The following TBC1D2 variants were observed in gnomAD, a reference collection of about 807,000 sequenced individuals.
TBC1D2 encodes the protein TBC1 domain family member 2, also known as TBC1 domain family member 2A.
TBC1D2 carries 58 observed loss-of-function variants against 91.1 expected under a neutral mutation model. The observed-to-expected ratio is 0.64, with a 90% CI of 0.52 to 0.79. TBC1D2 has a LOEUF of 0.79. Among genes scored for constraint, TBC1D2 ranks in the 30% least tolerant of loss-of-function variants. The pLI, the probability that TBC1D2 is intolerant of heterozygous loss-of-function variation, is 0.00. For synonymous variants in TBC1D2, 482 were observed against 511.5 expected, an observed-to-expected ratio of 0.94 and a Z score of 0.78; for missense variants, 1,080 against 1,208.3, an observed-to-expected ratio of 0.89 and a Z score of 1.57.
rs573903157 is a variant in TBC1D2 at position 98,245,582 on chromosome 9, T to C, written c.512-1453A>G. Reference sequence around the variant, plus strand: ...ACCCCGCCTCAAAAGAAAAAAAAAATTGGGGTTATAGTGTAATCTCAATTG... The same window carrying C: ...ACCCCGCCTCAAAAGAAAAAAAAAACTGGGGTTATAGTGTAATCTCAATTG... On this transcript the variant is annotated intron_variant, in intron 2 of 12. Coordinates refer to ENST00000465784, the MANE Select transcript of TBC1D2 (RefSeq NM_001267571.2). Among the ~76,000 whole-genome samples, 9 of 151,814 alleles carry C rather than the reference T, an allele frequency of 5.9e-5. No homozygotes were observed. In the South Asian group the frequency reaches 1.9e-3, roughly 32 times the overall value.
chr9:98,213,051 G>A, intron 7 of TBC1D2, 57 bp downstream of exon 7: 1 of 1,584,636 alleles, frequency 6.3e-7, no homozygotes, highest in South Asian at 1.1e-5. Context: ...TGGGCAGCAT[G>A]GGGACCAGCA....
intron 10 of TBC1D2, among the ~76,000 whole-genome samples, chr9:98,202,760 A>G (rs537229273): frequency 1.3e-5 from 2 of 152,386 alleles, no homozygotes; most frequent in South Asian, 2.1e-4. Flanking sequence ...ATAATAAAAT[A>G]TGGAAAAAAG....
intron 6 of TBC1D2, among the ~76,000 whole-genome samples, chr9:98,214,821 G>A (rs1466976747): frequency 6.6e-6 from 1 of 152,188 alleles, no homozygotes; most frequent in Non-Finnish European, 1.5e-5. Flanking sequence ...CACACTAGAA[G>A]GGCCTCTGCT....
rs1563994164 is a variant in TBC1D2, at chr9:98,255,267, C to T, written c.275G>A (p.Ser92Asn). ...AAACACTGCACTGGAGAGGTCGATG[C>T]TGTCCAAGGGATTGGCATCCTGAGC... ...RTAQDANPLD[S>N]IDLSSAVFDC... The change falls in exon 1 of 13, where the codon AGC becomes AAC. Residue 92 changes from serine to asparagine, a missense_variant. By Grantham distance (46) the Ser-to-Asn change is conservative (BLOSUM62 1). Transcript: ENST00000465784. The T allele has an allele frequency of 1.2e-6, 2 of 1,614,244 alleles. No homozygotes were observed. Among genetic ancestry groups the T allele is most frequent in the Non-Finnish European group, 1.7e-6 (2 of 1,180,038 alleles).
intron 3 of TBC1D2, among the ~76,000 whole-genome samples, chr9:98,239,573 T>C (rs1212838845): frequency 6.6e-6 from 1 of 152,230 alleles, no homozygotes; most frequent in Non-Finnish European, 1.5e-5. Context: ...TTCAGTTCGC[T>C]AGTATTTTGT....
intron 1 of TBC1D2, among the ~76,000 whole-genome samples, chr9:98,253,281 G>C (rs1273363517): frequency 6.6e-6 from 1 of 152,036 alleles, no homozygotes; most frequent in Non-Finnish European, 1.5e-5. Context: ...GACCCAACCA[G>C]GCAGTCAGCC....
chr9:98,231,732 G>A (rs1829374892), intron 4 of TBC1D2, among the ~76,000 whole-genome samples: 1 of 152,266 alleles, frequency 6.6e-6, no homozygotes, highest in Non-Finnish European at 1.5e-5. Flanking sequence ...ACCCTTCCAT[G>A]CCTCAGTTTC....
At chr9:98,242,960 T>C (rs527677844) in intron 3 of TBC1D2, among the ~76,000 whole-genome samples, 4 of 151,950 alleles carry the variant, frequency 2.6e-5, no homozygotes, top group African/African-American at 7.2e-5. Flanking sequence ...ATTTTACTTA[T>C]TGTAGAGGCA....
At chr9:98,229,800 C>A (rs1487819247) in intron 4 of TBC1D2, among the ~76,000 whole-genome samples, 7 of 152,230 alleles carry the variant, frequency 4.6e-5, no homozygotes, top group Non-Finnish European at 8.8e-5. Context: ...AGCCCACAGC[C>A]TGCTTTTACA....
chr9:98,208,515 A>C (rs1828715109), intron 9 of TBC1D2, among the ~76,000 whole-genome samples, 153 bp downstream of exon 9: 1 of 152,172 alleles, frequency 6.6e-6, no homozygotes, highest in South Asian at 2.1e-4. Context: ...CAGGAGGCAG[A>C]GCTCAGGTGG....
chr9:98,209,109 T>G lies in TBC1D2; in HGVS notation c.1709A>C (p.Asp570Ala). ...YDEYGFLTVP[D>A]YEVEDLKLLA... is the part of the protein sequence containing the mutation. The stretch of plus-strand genomic sequence containing the variant: ...CAGCTTCAGGTCTTCCACCTCATAG[T>G]CGGGCACCGTCAGGAAGCCGTACTC... Residue 570 changes from aspartate to alanine, a missense_variant, in exon 9 of 13, where the codon GAC (aspartate) becomes GCC (alanine). Physicochemically the swap from Asp to Ala is moderately radical, Grantham distance 126 (BLOSUM62 -2). Transcript: ENST00000465784. The G allele has an allele frequency of 6.2e-7, 1 of 1,613,976 alleles. No homozygotes were observed. Among genetic ancestry groups the G allele is most frequent in the South Asian group, 1.1e-5 (1 of 91,076 alleles).
chr9:98,203,472 C>T (rs1279493563), intron 9 of TBC1D2, 64 bp from the exon 10 acceptor site: 3 of 1,594,306 alleles, frequency 1.9e-6, no homozygotes, highest in Non-Finnish European at 2.6e-6. Flanking sequence ...CAGCACATGG[C>T]AGAGGTGGCT....
chr9:98,252,478 G>C (rs1408283243), intron 1 of TBC1D2, among the ~76,000 whole-genome samples: 1 of 152,178 alleles, frequency 6.6e-6, no homozygotes, highest in African/African-American at 2.4e-5. Context: ...CACCTTCCAG[G>C]TGCTCTGGCC....
In TBC1D2 at chr9:98,199,651, C is replaced by G. The variant is rs41274272; in HGVS notation, c.2580-63G>C. 639 of 1,564,446 alleles carry G rather than the reference C, an allele frequency of 4.1e-4. 4 individuals are homozygous for G. In the African/African-American group the frequency reaches 7.7e-3, roughly 19 times the overall value. On this transcript the variant is annotated intron_variant, in intron 12 of 12. Transcript: ENST00000465784. ...CCACCTGGCCGGCGTTTACCCGGCT[C>G]TCCCAGACAGACATCCCCGCATTCC...
chr9:98,233,581 G>A, intron 3 of TBC1D2, 32 bp from the exon 4 acceptor site: 1 of 1,609,634 alleles, frequency 6.2e-7, no homozygotes, highest in Non-Finnish European at 8.5e-7. Context: ...GGAGCATGAG[G>A]CTGAACCCTG....
chr9:98,206,733 T>C (rs918261201), intron 9 of TBC1D2, among the ~76,000 whole-genome samples: 3 of 152,134 alleles, frequency 2.0e-5, no homozygotes, highest in African/African-American at 7.2e-5. Context: ...AACGGGCAGG[T>C]TCCTCAGCCT....
At chr9:98,222,567 T>C (rs1243230164) in intron 5 of TBC1D2, among the ~76,000 whole-genome samples, 3 of 152,240 alleles carry the variant, frequency 2.0e-5, no homozygotes, top group Non-Finnish European at 4.4e-5. Context: ...AAGCCTGTAA[T>C]TTCCCCAGGG....
In TBC1D2 at chr9:98,244,766, G is replaced by A. The variant is rs556837794; in HGVS notation, c.512-637C>T. ...CAAAACTTTATGTGCCAAGAGGTTCGTTCCTTCTAGCATTGTCACAATAGC... is the reference window on the plus strand; with the variant it reads ...CAAAACTTTATGTGCCAAGAGGTTCATTCCTTCTAGCATTGTCACAATAGC... On this transcript the variant is annotated intron_variant, in intron 2 of 12. Coordinates refer to ENST00000465784, the MANE Select transcript of TBC1D2 (RefSeq NM_001267571.2). Among the ~76,000 whole-genome samples the A allele has an allele frequency of 3.3e-5, 5 of 151,232 alleles. No individual in the cohort carries two copies. In the South Asian group the frequency reaches 6.3e-4, roughly 19 times the overall value.
At chr9:98,213,479 C>T in intron 6 of TBC1D2, 17 of 1,195,272 alleles carry the variant, frequency 1.4e-5, no homozygotes, top group Non-Finnish European at 1.6e-5. Flanking sequence ...TCAGGCAGGC[C>T]ACTGAACCAC....
Sources: allele counts gnomAD v4.1 joint callset (sites outside exome capture counted in the v4.1 genomes callset), GRCh38; gene constraint gnomAD v4.1.1; transcripts MANE v1.5; gene names NCBI Gene and HGNC (gene_info 2026-07-23, HGNC 2026-07-21).